GOLGA3: variants seen among roughly 807,000 people sequenced by gnomAD.
GOLGA3 encodes golgin subfamily A member 3.
Under a neutral mutation model 169.4 loss-of-function variants are expected in GOLGA3, and 75 were observed. The observed-to-expected ratio is 0.44, with a 90% CI of 0.37 to 0.54. The LOEUF (loss-of-function observed/expected upper bound fraction) is 0.54, where lower values mean the gene tolerates loss of function less well. GOLGA3 is among the 20% of genes least tolerant of loss of function. GOLGA3 has a pLI of 0.00. For synonymous variants in GOLGA3, 824 were observed against 822.4 expected (o/e 1.00, Z -0.03); for missense variants, 1,899 against 1,930.0 (o/e 0.98, Z 0.30).
chr12:132,773,037 ACAAT>A lies in GOLGA3; in HGVS notation c.*64_*67del. The A allele has an allele frequency of 1.7e-6, 2 of 1,146,638 alleles. No individual in the cohort carries two copies. Among genetic ancestry groups the A allele is most frequent in the Non-Finnish European group, 2.4e-6 (2 of 829,556 alleles). The allele number at this position is 1,146,638 out of a possible 1,614,324, so 71.0% of individuals were successfully genotyped here. ...CATGTCTTAGAAAAACATCGACCAC[ACAAT>A]CAAATAAATAACATTGATAAGAGCC... On this transcript the variant is annotated 3_prime_UTR_variant, in exon 24 of 24. Transcript: ENST00000450791.
At chr12:132,794,692 C>G (rs144087653) in intron 11 of GOLGA3, among the ~76,000 whole-genome samples, 4,500 of 152,302 alleles carry the variant, frequency 0.03, 96 homozygotes, top group Middle Eastern at 0.078. Context: ...AGCTAATGGT[C>G]AGTAAAATCA....
Position 132,797,997 on chromosome 12 carries a change from A to C in GOLGA3, c.1938+343T>G, listed in dbSNP as rs113275700. 2.0e-5 allele frequency among the ~76,000 whole-genome samples: 3 copies of C among 152,270 alleles called. 1 individual carries two copies. The highest frequency in any genetic ancestry group is 7.2e-5 in the African/African-American group (3 of 41,552). ...CACTCTGTACCCAGCGCCATCCCTGACTGGCAATGACTGACAGCCGGGGGC... is the reference window on the plus strand; with the variant it reads ...CACTCTGTACCCAGCGCCATCCCTGCCTGGCAATGACTGACAGCCGGGGGC... On this transcript the variant is annotated intron_variant, in intron 9 of 23. Coordinates refer to ENST00000450791, the MANE Select transcript of GOLGA3 (RefSeq NM_001389683.1).
In GOLGA3 at chr12:132,798,383, A is replaced by T. The variant is rs750501011; in HGVS notation, c.1895T>A (p.Met632Lys). 2 of 1,613,410 alleles carry T rather than the reference A, an allele frequency of 1.2e-6. No homozygotes were observed. The highest frequency in any genetic ancestry group is 1.7e-6 in the Non-Finnish European group (2 of 1,179,802). The change falls in exon 9 of 24, where the codon ATG becomes AAG. Residue 632 changes from methionine (M) to lysine (K), a missense_variant. By Grantham distance (95) the Met-to-Lys change is moderately conservative. Coordinates refer to ENST00000450791, the MANE Select transcript of GOLGA3 (RefSeq NM_001389683.1). The stretch of plus-strand genomic sequence containing the variant: ...TGCCGCGATGCGCCCCTTCTCCTTC[A>T]TGGACCTGTGCTGAGTTTCCGTCAG... ...QQLTETQHRS[M>K]KEKGRIAAQL...
intron 2 of GOLGA3, among the ~76,000 whole-genome samples, chr12:132,821,709 C>T (rs1444625501): frequency 6.6e-6 from 1 of 151,278 alleles, no homozygotes; most frequent in Non-Finnish European, 1.5e-5. Flanking sequence ...AAAAAATTAG[C>T]CGGGCGCGGT....
At chr12:132,792,154 G>A (rs1593283522) in intron 11 of GOLGA3, among the ~76,000 whole-genome samples, 1 of 152,208 alleles carries the variant, frequency 6.6e-6, no homozygotes, top group South Asian at 2.1e-4. Context: ...GTTATAGGAA[G>A]AAGCACTTGT....
rs755635305 is a variant in GOLGA3 at position 132,782,462 on chromosome 12, A to G, written c.3299T>C (p.Ile1100Thr). Residue 1100 changes from isoleucine (I) to threonine (T), a missense_variant, in exon 17 of 24, where the codon ATA becomes ACA. By Grantham distance (89) the Ile-to-Thr change is moderately conservative (BLOSUM62 -1). Transcript: ENST00000450791. ...CTTGTTTGACTCCTCAAGGCGTTTT[A>G]TCTTCTTCCTAAAGCCTCTGGATTC... The part of the protein sequence containing the change: ...LQESRGFRKK[I>T]KRLEESNKKL... 10 of 1,614,050 alleles carry G rather than the reference A, an allele frequency of 6.2e-6. No individual in the cohort carries two copies. Among genetic ancestry groups the G allele is most frequent in the Non-Finnish European group, 8.5e-6 (10 of 1,179,892 alleles).
chr12:132,787,374 T>TCTCCTCCAAACCCC, intron 13 of GOLGA3, among the ~76,000 whole-genome samples: 1 of 151,490 alleles, frequency 6.6e-6, no homozygotes, highest in South Asian at 2.1e-4. Flanking sequence ...CTCCAAACCC[T>TCTCCTCCAAACCCC]CAGGACCCAG....
Position 132,819,470 on chromosome 12 carries a change from A to G in GOLGA3, c.133+2526T>C, listed in dbSNP as rs544581939. Among the ~76,000 whole-genome samples, 21 of 152,314 alleles carry G rather than the reference A, an allele frequency of 1.4e-4. No individual in the cohort carries two copies. In the South Asian group the frequency reaches 4.3e-3, roughly 32 times the overall value. On this transcript the variant is annotated intron_variant, in intron 2 of 23. Coordinates refer to ENST00000450791, the MANE Select transcript of GOLGA3 (RefSeq NM_001389683.1). ...CGTGAACCCTCGAAGTGGAGCTTGC[A>G]GTAAGCTGAGGTCGTGCCACTGCAC... is the stretch of plus-strand genomic sequence containing the variant.
At position 132,789,293 on chromosome 12, in the gene GOLGA3, GC is replaced by G; in HGVS notation, c.2548-4del. 6.3e-7 allele frequency: 1 copy of G among 1,584,886 alleles called. No homozygotes were observed. Among genetic ancestry groups the G allele is most frequent in the African/African-American group, 1.3e-5 (1 of 74,658 alleles). On this transcript the variant is annotated splice_polypyrimidine_tract_variant and splice_region_variant and intron_variant, in intron 12 of 23. Transcript: ENST00000450791. Reference sequence around the variant, plus strand: ...CGCCGGTAGGCCTCCACCATCACCTGCCAAAGACAGAGGCTGTGAGCGGACG... The same window carrying G: ...CGCCGGTAGGCCTCCACCATCACCTGCAAAGACAGAGGCTGTGAGCGGACG...
chr12:132,819,806 G>A (rs1054991008), intron 2 of GOLGA3, among the ~76,000 whole-genome samples: 4 of 152,122 alleles, frequency 2.6e-5, no homozygotes, highest in African/African-American at 9.7e-5. Flanking sequence ...TTGGGAGGCC[G>A]AGGTGGAAGG....
intron 11 of GOLGA3, among the ~76,000 whole-genome samples, chr12:132,795,401 C>A (rs935436059): frequency 4.7e-5 from 7 of 150,016 alleles, no homozygotes; most frequent in African/African-American, 1.7e-4. Context: ...CTGAGGTGGG[C>A]GGATCACTTG....
In GOLGA3 at chr12:132,777,606, T is replaced by C. The variant is rs1046998654; in HGVS notation, c.3722+60A>G. On this transcript the variant is annotated intron_variant, in intron 19 of 23. Transcript: ENST00000450791. The surrounding 1 kb of genome is among the most constrained non-coding windows in gnomAD (Gnocchi z 4.7). Reference sequence around the variant, plus strand: ...CCCTCGCTGTGCTGAAGGTGTGAATTAGACCCCGCCCATTGCCAGGACAGC... The same window carrying C: ...CCCTCGCTGTGCTGAAGGTGTGAATCAGACCCCGCCCATTGCCAGGACAGC... 6.3e-7 allele frequency: 1 copy of C among 1,591,362 alleles called. No homozygotes were observed. The highest frequency in any genetic ancestry group is 8.6e-7 in the Non-Finnish European group (1 of 1,164,530).
rs993608861 is a variant in GOLGA3 at position 132,773,056 on chromosome 12, T to C, written c.*49A>G. On this transcript the variant is annotated 3_prime_UTR_variant, in exon 24 of 24. Coordinates refer to ENST00000450791, the MANE Select transcript of GOLGA3 (RefSeq NM_001389683.1). ...GACCACACAATCAAATAAATAACAT[T>C]GATAAGAGCCTTCTGGGGCAGCGGC... is the stretch of plus-strand genomic sequence containing the variant. 5 of 1,271,140 alleles carry C rather than the reference T, an allele frequency of 3.9e-6. No individual in the cohort carries two copies. Among genetic ancestry groups the C allele is most frequent in the East Asian group, 5.6e-5 (2 of 35,870 alleles). The allele number at this position is 1,271,140 out of a possible 1,614,324, so 78.7% of individuals were successfully genotyped here.
chr12:132,810,782 C>G (rs924482123), intron 4 of GOLGA3, among the ~76,000 whole-genome samples: 13 of 152,098 alleles, frequency 8.5e-5, no homozygotes, highest in Middle Eastern at 3.2e-3. Flanking sequence ...GAAGACTCTA[C>G]TCCTCCACCT....
intron 16 of GOLGA3, 100 bp from the exon 17 acceptor site, chr12:132,782,593 T>A: frequency 1.1e-6 from 1 of 944,548 alleles, no homozygotes; most frequent in Non-Finnish European, 1.7e-6. Flanking sequence ...AGCGAAAACT[T>A]AGGCCAGGCG....
At chr12:132,776,331 GCTGTAGC>G (rs144740593) in intron 21 of GOLGA3, among the ~76,000 whole-genome samples, 8,206 of 132,930 alleles carry the variant, frequency 0.062, 687 homozygotes, top group South Asian at 0.098. Flanking sequence ...TGCAGCAGCT[GCTGTAGC>G]CCCTCCAGCT....
intron 1 of GOLGA3, among the ~76,000 whole-genome samples, chr12:132,827,302 A>G (rs1950462808): frequency 6.6e-6 from 1 of 152,224 alleles, no homozygotes; most frequent in Non-Finnish European, 1.5e-5. Context: ...GAAAACCAAA[A>G]GCAAGCAAGC....
At position 132,802,598 on chromosome 12, in the gene GOLGA3, G is replaced by A. The variant is rs561226885; in HGVS notation, c.1598-629C>T. On this transcript the variant is annotated intron_variant, in intron 7 of 23. Transcript: ENST00000450791. ...CACAACTGCACTGCTGCACTCCAGC[G>A]TGGGCAACAGAGCAACCCATCTCAA... is the stretch of plus-strand genomic sequence containing the variant. Among the ~76,000 whole-genome samples, 77 of 150,320 alleles carry A rather than the reference G, an allele frequency of 5.1e-4. 1 individual carries two copies. The South Asian group carries it at 9.3e-3, about 18-fold the overall frequency.
intron 7 of GOLGA3, 144 bp from the exon 8 acceptor site, chr12:132,802,113 G>T (rs894823867): frequency 9.1e-6 from 6 of 659,770 alleles, no homozygotes; most frequent in Non-Finnish European, 1.6e-5. Context: ...CTGACTCCAT[G>T]AAGTCGCCGT....
Sources: allele counts gnomAD v4.1 joint callset (sites outside exome capture counted in the v4.1 genomes callset), GRCh38; gene constraint gnomAD v4.1.1; non-coding constraint Gnocchi (gnomAD v3.1); transcripts MANE v1.5; gene names NCBI Gene and HGNC (gene_info 2026-07-23, HGNC 2026-07-21).